PEG3: variants seen among roughly 807,000 people sequenced by gnomAD.
PEG3 encodes the protein paternally expressed 3.
A neutral mutation model predicts 35.5 loss-of-function variants in PEG3; 23 were observed. The observed-to-expected ratio is 0.65, with a 90% CI of 0.47 to 0.92. The LOEUF is 0.92. Ranked by LOEUF, PEG3 falls within the 40% of genes least tolerant of loss-of-function variation. The probability of loss-of-function intolerance (pLI) is 0.00; values close to 1 mark genes in which losing one functional copy is unlikely to be tolerated. For missense variants in PEG3, 1,960 were observed against 1,985.3 expected (o/e 0.99, Z 0.24); for synonymous variants, 707 against 697.0 (o/e 1.01, Z -0.23).
In PEG3 at chr19:56,813,750, G is replaced by A; in HGVS notation, c.4692C>T (p.Phe1564=). The part of the protein sequence containing the change: ...GGANQADEKY[F]KCDVCGQLFN... ...AGAGCTGCCCACAGACGTCACATTT[G>A]AAGTACTTCTCATCAGCTTGATTGG... The change falls in exon 10 of 10, where the codon TTC becomes TTT. Residue 1564 remains phenylalanine (F), a synonymous_variant. Transcript: ENST00000326441. 1 of 1,614,148 alleles carries A rather than the reference G, an allele frequency of 6.2e-7. No individual in the cohort carries two copies. The highest frequency in any genetic ancestry group is 8.5e-7 in the Non-Finnish European group (1 of 1,180,034).
intron 9 of PEG3, 71 bp downstream of exon 9, chr19:56,817,675 A>G (rs1234168243): frequency 1.1e-5 from 17 of 1,542,858 alleles, no homozygotes; most frequent in East Asian, 2.2e-5. Flanking sequence ...TTAGGAATGC[A>G]AAGTGTAGAA....
At chr19:56,824,801 G>A (rs1568683174) in intron 3 of PEG3, 60 bp from the exon 4 acceptor site, 8 of 722,788 alleles carry the variant, frequency 1.1e-5, no homozygotes, top group East Asian at 5.3e-5. Context: ...CAGCAGTGGA[G>A]GCCACCTTAC....
chr19:56,833,270 C>A, intron 2 of PEG3: 1 of 459,608 alleles, frequency 2.2e-6, no homozygotes, highest in East Asian at 6.5e-5. Flanking sequence ...AGATTCAGCC[C>A]CCTAACTCGT....
chr19:56,826,119 T>C (rs184577279), intron 3 of PEG3, among the ~76,000 whole-genome samples: 1 of 152,240 alleles, frequency 6.6e-6, no homozygotes, highest in East Asian at 1.9e-4. Flanking sequence ...ACAACATAGA[T>C]AATGCTCTGC....
At chr19:56,822,636 C>T (rs1384217856) in intron 6 of PEG3, 117 bp downstream of exon 6, 16 of 1,398,928 alleles carry the variant, frequency 1.1e-5, no homozygotes, top group African/African-American at 2.9e-5. Context: ...TTTGGGGAAG[C>T]GGAATATACT....
At position 56,815,598 on chromosome 19, in the gene PEG3, C is replaced by T; in HGVS notation, c.2844G>A (p.Glu948=). 6.2e-7 allele frequency: 1 copy of T among 1,614,134 alleles called. No individual in the cohort carries two copies. Among genetic ancestry groups the T allele is most frequent in the Non-Finnish European group, 8.5e-7 (1 of 1,179,986 alleles). Residue 948 remains glutamate, a synonymous_variant, in exon 10 of 10, where the codon GAG becomes GAA. Transcript: ENST00000326441. ...AAGGCAGAGAGTGAATTACAGAGGTCTCATTGCTCCTATGCTCAATGTATT... is the reference window on the plus strand; with the variant it reads ...AAGGCAGAGAGTGAATTACAGAGGTTTCATTGCTCCTATGCTCAATGTATT... ...KKKYIEHRSN[E]TSVIHSLPFG... is the part of the protein sequence containing the mutation.
intron 7 of PEG3, among the ~76,000 whole-genome samples, 183 bp from the exon 8 acceptor site, chr19:56,818,885 A>G (rs2060222463): frequency 1.3e-5 from 2 of 152,236 alleles, no homozygotes; most frequent in South Asian, 4.1e-4. Context: ...CCTTGGTGCT[A>G]CACTCTGAGG....
In PEG3 at chr19:56,815,384, C is replaced by A; in HGVS notation, c.3058G>T (p.Ala1020Ser). ...TGCTCTTTAGCATACTGCTCTTGGG[C>A]GTAACTTGTTTGAGGGTCAGTAGGG... Reference protein sequence around the residue: ...LAPTDPQTSYAQEQYAKEQAR... With the variant: ...LAPTDPQTSYSQEQYAKEQAR... Residue 1020 changes from alanine (A) to serine (S), a missense_variant, in exon 10 of 10, where the codon GCC (alanine) becomes TCC (serine). By Grantham distance (99) the Ala-to-Ser change is moderately conservative. Coordinates refer to ENST00000326441, the MANE Select transcript of PEG3 (RefSeq NM_006210.3). 1.2e-6 allele frequency: 2 copies of A among 1,614,144 alleles called. No individual in the cohort carries two copies. Among genetic ancestry groups the A allele is most frequent in the Non-Finnish European group, 1.7e-6 (2 of 1,180,010 alleles).
rs1232910018 is a variant in PEG3 at position 56,815,169 on chromosome 19, G to A, written c.3273C>T (p.Gly1091=). The change falls in exon 10 of 10, where the codon GGC becomes GGT. Residue 1091 remains glycine, a synonymous_variant. Transcript: ENST00000326441. ...CCTTCTGAGGGTCTTCCATGTCTGA[G>A]CCTTGAATGACAGGGTCTTCAATTG... is the stretch of plus-strand genomic sequence containing the variant. The part of the protein sequence containing the change: ...QETIEDPVIQ[G]SDMEDPQKDD... 3 of 1,613,876 alleles carry A rather than the reference G, an allele frequency of 1.9e-6. No individual in the cohort carries two copies. Among genetic ancestry groups the A allele is most frequent in the East Asian group, 2.2e-5 (1 of 44,866 alleles).
intron 3 of PEG3, among the ~76,000 whole-genome samples, 182 bp downstream of exon 3, chr19:56,826,206 A>T (rs573827637): frequency 6.6e-6 from 1 of 152,330 alleles, no homozygotes; most frequent in East Asian, 1.9e-4. Flanking sequence ...GTGACATTTC[A>T]GACATGGTCA....
rs1453011248 is a variant in PEG3 at position 56,817,651 on chromosome 19, C to T, written c.863-72G>A. The T allele has an allele frequency of 2.6e-6, 4 of 1,513,770 alleles. No homozygotes were observed. In the South Asian group the frequency reaches 3.5e-5, roughly 13 times the overall value. The allele number at this position is 1,513,770 out of a possible 1,614,324, so 93.8% of individuals were successfully genotyped here. A position where few individuals can be genotyped will look rare whatever the true frequency, so the allele number is the denominator to read the frequency against. ...GGACAGTGGGACTTGGAGGGGTGCA[C>T]CCTTCTGTGATGTTTAGGAATGCAA... On this transcript the variant is annotated intron_variant, in intron 9 of 9. Coordinates refer to ENST00000326441, the MANE Select transcript of PEG3 (RefSeq NM_006210.3).
rs2146112550 is a variant in PEG3, at chr19:56,813,230, G to A, written c.*445C>T. 1.0e-6 allele frequency: 1 copy of A among 980,056 alleles called. No homozygotes were observed. The highest frequency in any genetic ancestry group is 1.2e-6 in the Non-Finnish European group (1 of 825,120). 60.7% of individuals were successfully genotyped at this position (980,056 alleles called of 1,614,324 possible). A position where few individuals can be genotyped will look rare whatever the true frequency, so the allele number is the denominator to read the frequency against. ...AAAAAAAAAAATTCAAAGAATACCAGGTAAGGTACCTCTGCAGAGTAAACT... is the reference window on the plus strand; with the variant it reads ...AAAAAAAAAAATTCAAAGAATACCAAGTAAGGTACCTCTGCAGAGTAAACT... On this transcript the variant is annotated 3_prime_UTR_variant, in exon 10 of 10. Transcript: ENST00000326441.
In PEG3 at chr19:56,816,753, G is replaced by A. The variant is rs144013808; in HGVS notation, c.1689C>T (p.Tyr563=). The part of the protein sequence containing the change: ...LQKIYGKDKF[Y]ECRVCKETFL... Reference sequence around the variant, plus strand: ...AGGTTTCCTTACACACCCTGCACTCGTAGAATTTGTCTTTGCCATATATTT... The same window carrying A: ...AGGTTTCCTTACACACCCTGCACTCATAGAATTTGTCTTTGCCATATATTT... The change falls in exon 10 of 10, where the codon TAC becomes TAT. Residue 563 remains tyrosine (Y), a synonymous_variant. Transcript: ENST00000326441. 2.9e-5 allele frequency: 46 copies of A among 1,613,910 alleles called. No individual in the cohort carries two copies. Among genetic ancestry groups the A allele is most frequent in the Admixed American group, 2.8e-4 (17 of 60,004 alleles).
chr19:56,826,024 T>C (rs1420569461), intron 3 of PEG3, among the ~76,000 whole-genome samples: 2 of 152,164 alleles, frequency 1.3e-5, no homozygotes, highest in Non-Finnish European at 1.5e-5. Context: ...CACCATCCAA[T>C]GCAAATGCCT....
At chr19:56,820,676 C>G (rs183842919) in intron 7 of PEG3, among the ~76,000 whole-genome samples, 2 of 152,290 alleles carry the variant, frequency 1.3e-5, no homozygotes, top group South Asian at 4.1e-4. Flanking sequence ...CAAATCAAGG[C>G]CCTTGTTACA....
intron 1 of PEG3, among the ~76,000 whole-genome samples, chr19:56,839,175 T>G (rs934975055): frequency 6.6e-6 from 1 of 150,552 alleles, no homozygotes; most frequent in African/African-American, 2.5e-5. Flanking sequence ...CTAGGTCCAA[T>G]GCCACCCTGT....
chr19:56,814,028 C>A lies in PEG3; in HGVS notation c.4414G>T (p.Ala1472Ser). 6.2e-7 allele frequency: 1 copy of A among 1,613,350 alleles called. No homozygotes were observed. The highest frequency in any genetic ancestry group is 8.5e-7 in the Non-Finnish European group (1 of 1,179,344). Residue 1472 changes from alanine (A) to serine (S), a missense_variant, in exon 10 of 10, where the codon GCT becomes TCT. By Grantham distance (99) the Ala-to-Ser change is moderately conservative (BLOSUM62 1). Around this residue, in one of 5 missense-constraint regions of PEG3, gnomAD observed 416 missense variants for 416.7 expected, o/e 1.00. Transcript: ENST00000326441. The surrounding 1 kb of genome is among the most constrained non-coding windows in gnomAD (Gnocchi z 5.8). ...TCGGCATCTCCCTCTGGCTCTTCAG[C>A]TTTTCCCTCTGGCTCTTCAGCTCTT... ...EERAEEPEGK[A>S]EEPEGDADEP...
chr19:56,824,795 A>G lies in PEG3; in HGVS notation c.-86-54T>C, dbSNP rs1180014153. On this transcript the variant is annotated intron_variant, in intron 3 of 9. Transcript: ENST00000326441. ...TCCCAGAAGTTGAAGACCAGGCAGCAGTGGAGGCCACCTTACCAGAGGCAT... is the reference window on the plus strand; with the variant it reads ...TCCCAGAAGTTGAAGACCAGGCAGCGGTGGAGGCCACCTTACCAGAGGCAT... 7.9e-6 allele frequency: 6 copies of G among 759,268 alleles called. No homozygotes were observed. The East Asian group carries it at 1.3e-4, about 16-fold the overall frequency. 47.0% of individuals were successfully genotyped at this position (759,268 alleles called of 1,614,324 possible).
chr19:56,823,727 A>C, intron 4 of PEG3, 48 bp from the exon 5 acceptor site: 1 of 1,604,044 alleles, frequency 6.2e-7, no homozygotes, highest in Non-Finnish European at 8.5e-7. Context: ...CCACATTCTC[A>C]CAATAGTTCC....
Sources: gnomAD v4.1 joint callset for allele counts (sites outside exome capture counted in the v4.1 genomes callset) on GRCh38, gnomAD v4.1.1 for gene constraint, gnomAD v4.1.1 regional missense constraint, Gnocchi (gnomAD v3.1) non-coding constraint, MANE v1.5 for transcripts, NCBI Gene and HGNC (gene_info 2026-07-23, HGNC 2026-07-21) for gene names.